The following SSH1 variants were observed in gnomAD, a reference collection of about 807,000 sequenced individuals.
SSH1 encodes the protein protein phosphatase Slingshot homolog 1.
A neutral mutation model predicts 79.7 loss-of-function variants in SSH1; 43 were observed. That is an observed-to-expected ratio of 0.54 (90% CI 0.42 to 0.70). The LOEUF is 0.70. Among genes scored for constraint, SSH1 ranks in the 30% least tolerant of loss-of-function variants. SSH1 has a pLI of 0.00. For synonymous variants in SSH1, 599 were observed against 538.3 expected, an observed-to-expected ratio of 1.11 and a Z score of -1.56; for missense variants, 1,206 against 1,358.8, an observed-to-expected ratio of 0.89 and a Z score of 1.77.
At chr12:108,840,260 A>G (rs1302444725) in intron 2 of SSH1, among the ~76,000 whole-genome samples, 1 of 152,030 alleles carries the variant, frequency 6.6e-6, no homozygotes. Flanking sequence ...GGCTGGGCGC[A>G]GTGGCTCATG....
In SSH1 at chr12:108,792,441, G is replaced by A. The variant is rs540829930; in HGVS notation, c.1738C>T (p.Arg580Trp). 2.0e-5 allele frequency: 32 copies of A among 1,614,158 alleles called. No homozygotes were observed. The highest frequency in any genetic ancestry group is 1.0e-4 in the Admixed American group (6 of 60,016). The change falls in exon 14 of 15, where the codon CGG becomes TGG. Residue 580 changes from arginine to tryptophan, a missense_variant. This residue lies in a region of SSH1 where 709 missense variants were observed against 730.6 expected (regional missense o/e 0.97). Transcript: ENST00000326495. ...KKLEFGSPKG[R>W]SGSLLQVEET... ...TCCACCTGCAGCAAGGAGCCGCTCCGACCTTTGGGACTCCCAAACTCTAGT... is the reference window on the plus strand; with the variant it reads ...TCCACCTGCAGCAAGGAGCCGCTCCAACCTTTGGGACTCCCAAACTCTAGT...
chr12:108,820,492 G>C (rs1566000537), intron 3 of SSH1, among the ~76,000 whole-genome samples: 2 of 152,128 alleles, frequency 1.3e-5, no homozygotes, highest in Non-Finnish European at 2.9e-5. Flanking sequence ...ACAAACCCCT[G>C]TCTGATAAAT....
intron 2 of SSH1, among the ~76,000 whole-genome samples, chr12:108,851,648 G>A (rs2039041683): frequency 1.3e-5 from 2 of 152,118 alleles, no homozygotes; most frequent in South Asian, 4.1e-4. Context: ...AAACAAAAAT[G>A]TTTTTGGTGT....
At chr12:108,847,677 G>A (rs1224854720) in intron 2 of SSH1, among the ~76,000 whole-genome samples, 22 of 152,116 alleles carry the variant, frequency 1.4e-4, no homozygotes. Flanking sequence ...GGCTGGTCTC[G>A]AACTCCGGAG....
At chr12:108,855,119 T>C (rs1393565710) in intron 1 of SSH1, among the ~76,000 whole-genome samples, 3 of 152,086 alleles carry the variant, frequency 2.0e-5, no homozygotes, top group South Asian at 2.1e-4. Context: ...TCCAACAAAA[T>C]GTGGTACATC....
rs868100701 is a variant in SSH1 at position 108,782,877 on chromosome 12, G to A, written c.*5111C>T. 1 of 151,980 alleles carries A rather than the reference G, an allele frequency of 6.6e-6. No individual in the cohort carries two copies. Among genetic ancestry groups the A allele is most frequent in the Non-Finnish European group, 1.5e-5 (1 of 68,020 alleles). 9.4% of individuals were successfully genotyped at this position (151,980 alleles called of 1,614,324 possible). A position where few individuals can be genotyped will look rare whatever the true frequency, so the allele number is the denominator to read the frequency against. On this transcript the variant is annotated 3_prime_UTR_variant, in exon 15 of 15. Transcript: ENST00000326495. Reference sequence around the variant, plus strand: ...AAGAAAAACAATAAAAAAAATCATCGATATCTTAACGCAATTCACGGGAAC... The same window carrying A: ...AAGAAAAACAATAAAAAAAATCATCAATATCTTAACGCAATTCACGGGAAC...
intron 2 of SSH1, among the ~76,000 whole-genome samples, chr12:108,837,387 T>A (rs923330985): frequency 6.6e-6 from 1 of 152,118 alleles, no homozygotes; most frequent in African/African-American, 2.4e-5. Context: ...CTGGGACATA[T>A]GGTGACTCTT....
At chr12:108,839,667 A>G (rs1303734101) in intron 2 of SSH1, among the ~76,000 whole-genome samples, 12 of 152,212 alleles carry the variant, frequency 7.9e-5, no homozygotes, top group Admixed American at 7.9e-4. Context: ...ATAGCTTCAA[A>G]AGTAACCATT....
intron 14 of SSH1, among the ~76,000 whole-genome samples, 154 bp from the exon 15 acceptor site, chr12:108,789,398 T>A (rs2036408771): frequency 6.6e-6 from 1 of 152,058 alleles, no homozygotes; most frequent in South Asian, 2.1e-4. Flanking sequence ...CAGACAGACC[T>A]CCTGGAGCCC....
intron 2 of SSH1, chr12:108,827,562 C>A (rs891026609): frequency 4.7e-6 from 6 of 1,265,398 alleles, no homozygotes; most frequent in Non-Finnish European, 6.0e-6. Context: ...GGCCCTTGTC[C>A]CAGCACATCC....
intron 5 of SSH1, among the ~76,000 whole-genome samples, chr12:108,816,197 T>G (rs1303452951): frequency 6.6e-6 from 1 of 152,162 alleles, no homozygotes; most frequent in Non-Finnish European, 1.5e-5. Context: ...GGTCACTCTC[T>G]CCCTCCTATC....
intron 7 of SSH1, among the ~76,000 whole-genome samples, chr12:108,808,818 C>CTTTTTTTTTTT (rs2037418953): frequency 8.1e-6 from 1 of 123,788 alleles, no homozygotes; most frequent in African/African-American, 2.9e-5. Context: ...CCCTCTTTTA[C>CTTTTTTTTTTT]TTCTTTTTTT....
chr12:108,838,902 C>T (rs1212699492), intron 2 of SSH1, among the ~76,000 whole-genome samples: 1 of 152,228 alleles, frequency 6.6e-6, no homozygotes, highest in East Asian at 1.9e-4. Flanking sequence ...CATACCAATG[C>T]TATGTCATGT....
At chr12:108,810,437 A>T (rs2037521833) in intron 6 of SSH1, among the ~76,000 whole-genome samples, 2 of 151,994 alleles carry the variant, frequency 1.3e-5, no homozygotes, top group Admixed American at 1.3e-4. Context: ...CAGGAGAATC[A>T]CTTGAACCCA....
At chr12:108,809,803 A>T (rs1272171274) in intron 6 of SSH1, 45 bp from the exon 7 acceptor site, 2 of 1,555,104 alleles carry the variant, frequency 1.3e-6, no homozygotes, top group African/African-American at 2.7e-5. Flanking sequence ...GTGAGAAATC[A>T]GCGCCTTGAG....
At chr12:108,814,473 C>G (rs1029809829) in intron 5 of SSH1, among the ~76,000 whole-genome samples, 1 of 151,630 alleles carries the variant, frequency 6.6e-6, no homozygotes, top group Non-Finnish European at 1.5e-5. Context: ...TTTTTCAAGC[C>G]AGGAAGGAAG....
intron 7 of SSH1, among the ~76,000 whole-genome samples, chr12:108,808,844 T>TTTG (rs2037423035): frequency 7.0e-6 from 1 of 143,872 alleles, no homozygotes; most frequent in Non-Finnish European, 1.5e-5. Flanking sequence ...TTTTTTTTTT[T>TTTG]TTTGTTTGAG....
intron 2 of SSH1, among the ~76,000 whole-genome samples, chr12:108,842,770 G>A (rs573189834): frequency 1.2e-4 from 19 of 152,186 alleles, no homozygotes; most frequent in Non-Finnish European, 7.3e-5. Flanking sequence ...AAGAGCACAG[G>A]TTTTGGAGTC....
intron 2 of SSH1, among the ~76,000 whole-genome samples, chr12:108,843,168 T>A (rs1379048849): frequency 6.6e-6 from 1 of 152,130 alleles, no homozygotes; most frequent in African/African-American, 2.4e-5. Flanking sequence ...AAAAAATATT[T>A]GTTGAATGAA....
Sources: allele counts gnomAD v4.1 joint callset (sites outside exome capture counted in the v4.1 genomes callset), GRCh38; gene constraint gnomAD v4.1.1; regional missense constraint gnomAD v4.1.1; transcripts MANE v1.5; gene names NCBI Gene and HGNC (gene_info 2026-07-23, HGNC 2026-07-21).